ERCC4: variants seen among roughly 807,000 people sequenced by gnomAD.
The protein encoded by ERCC4 is ERCC excision repair 4, endonuclease catalytic subunit.
In ERCC4, 65 loss-of-function variants were observed where a neutral mutation model predicts 76.9. The ratio of observed to expected loss-of-function variants is 0.84; its 90% CI spans 0.69 to 1.04. The LOEUF is 1.04. ERCC4 is among the 50% of genes least tolerant of loss of function. ERCC4 has a pLI of 0.00. For synonymous variants in ERCC4, 463 were observed against 410.1 expected, an observed-to-expected ratio of 1.13 and a Z score of -1.56; for missense variants, 1,214 against 1,128.2, an observed-to-expected ratio of 1.08 and a Z score of -1.09.
chr16:13,932,095 C>G, intron 5 of ERCC4, 62 bp from the exon 6 acceptor site: 1 of 1,428,022 alleles, frequency 7.0e-7, no homozygotes, highest in Non-Finnish European at 9.9e-7. Flanking sequence ...ATGTGACCAT[C>G]AGAGACTGTT....
Position 13,948,229 on chromosome 16 carries a change from C to T in ERCC4, c.2633C>T (p.Ala878Val), listed in dbSNP as rs948636865. 3.7e-6 allele frequency: 6 copies of T among 1,614,038 alleles called. No individual in the cohort carries two copies. The Admixed American group carries it at 6.7e-5, about 18-fold the overall frequency. ...GTTAAGAACATCGCAGAATTAGCAG[C>T]CCTGTCACAAGACGAGCTCACGAGT... ...HHVKNIAELA[A>V]LSQDELTSIL... is the part of the protein sequence containing the mutation. Residue 878 changes from alanine (A) to valine (V), a missense_variant, in exon 11 of 11, where the codon GCC becomes GTC. Coordinates refer to ENST00000311895, the MANE Select transcript of ERCC4 (RefSeq NM_005236.3).
At position 13,926,694 on chromosome 16, in the gene ERCC4, T is replaced by C; in HGVS notation, c.522T>C (p.Gly174=). The C allele has an allele frequency of 6.2e-7, 1 of 1,613,990 alleles. No homozygotes were observed. The highest frequency in any genetic ancestry group is 8.5e-7 in the Non-Finnish European group (1 of 1,179,868). The change falls in exon 3 of 11, where the codon GGT becomes GGC. Residue 174 remains glycine (G), a synonymous_variant. Coordinates refer to ENST00000311895, the MANE Select transcript of ERCC4 (RefSeq NM_005236.3). ...FTDNAVAFDT[G]FCHVERVMRN... is the part of the protein sequence containing the mutation. ...ACAATGCTGTTGCCTTTGATACTGG[T>C]TTTTGTCATGTGGAAAGAGTGATGA... is the stretch of plus-strand genomic sequence containing the variant.
intron 6 of ERCC4, chr16:13,933,816 T>C (rs2032230216): frequency 5.9e-6 from 1 of 168,256 alleles, no homozygotes; most frequent in Non-Finnish European, 1.3e-5. Context: ...CTTTTATCCA[T>C]GTTCAGGATT....
intron 5 of ERCC4, chr16:13,931,809 C>G: frequency 4.4e-6 from 1 of 225,024 alleles, no homozygotes; most frequent in Non-Finnish European, 8.7e-6. Context: ...TAAATAACAG[C>G]AAATTCCTAT....
At position 13,935,372 on chromosome 16, in the gene ERCC4, CAAAG is replaced by C. The variant is rs1355589374; in HGVS notation, c.1447_1450del (p.Arg483ProfsTer9). On this transcript the variant is annotated frameshift_variant, in exon 8 of 11. Transcript: ENST00000311895. LOFTEE classifies it high-confidence loss of function. ...CCCAAAACAAAGAACGGGCTTCTACCAAAGAAAGAACCCTCAAAAAGAAAAAACG... is the reference window on the plus strand; with the variant it reads ...CCCAAAACAAAGAACGGGCTTCTACCAAAGAACCCTCAAAAAGAAAAAACG... 1 of 1,607,622 alleles carries C rather than the reference CAAAG, an allele frequency of 6.2e-7. No homozygotes were observed.
chr16:13,949,852 C>G lies in ERCC4; in HGVS notation c.*1505C>G. On this transcript the variant is annotated 3_prime_UTR_variant, in exon 11 of 11. Coordinates refer to ENST00000311895, the MANE Select transcript of ERCC4 (RefSeq NM_005236.3). ...GACATCAGTTCTGCTAGCCATATCA[C>G]ATATTTTAATGTTTCATCAACATCA... 1 of 232,536 alleles carries G rather than the reference C, an allele frequency of 4.3e-6. No homozygotes were observed. The highest frequency in any genetic ancestry group is 6.1e-5 in the East Asian group (1 of 16,396). 14.4% of individuals were successfully genotyped at this position (232,536 alleles called of 1,614,324 possible). A position where few individuals can be genotyped will look rare whatever the true frequency, so the allele number is the denominator to read the frequency against.
chr16:13,937,086 A>ATTTTTTTTT (rs71150154), intron 8 of ERCC4, among the ~76,000 whole-genome samples: 24,272 of 126,986 alleles, frequency 0.19, 2,483 homozygotes, highest in Non-Finnish European at 0.24. Context: ...TGCTCAACTA[A>ATTTTTTTTT]TTTTTTTTTT....
intron 10 of ERCC4, among the ~76,000 whole-genome samples, chr16:13,946,744 T>TTTTG (rs531878168): frequency 8.4e-4 from 127 of 151,194 alleles, no homozygotes; most frequent in East Asian, 2.9e-3. Flanking sequence ...ACATCTGTTT[T>TTTTG]TTTGTTTGTT....
Position 13,935,154 on chromosome 16 carries a change from C to G in ERCC4, c.1222C>G (p.Leu408Val). 2 of 1,612,350 alleles carry G rather than the reference C, an allele frequency of 1.2e-6. No homozygotes were observed. The highest frequency in any genetic ancestry group is 8.5e-7 in the Non-Finnish European group (1 of 1,178,402). ...TTGTTTTCTATTTTCAGGTCAAGTA[C>G]TGATTTGTGCAAGTGATGACCGAAC... ...SEALGGPGQV[L>V]ICASDDRTCS... The change falls in exon 8 of 11, where the codon CTG becomes GTG. Residue 408 changes from leucine (L) to valine (V), a missense_variant. Transcript: ENST00000311895.
Position 13,948,649 on chromosome 16 carries a change from T to C in ERCC4, c.*302T>C. The C allele has an allele frequency of 2.5e-6, 1 of 407,834 alleles. No homozygotes were observed. The highest frequency in any genetic ancestry group is 2.9e-5 in the South Asian group (1 of 34,992). 25.3% of individuals were successfully genotyped at this position (407,834 alleles called of 1,614,324 possible). On this transcript the variant is annotated 3_prime_UTR_variant, in exon 11 of 11. Transcript: ENST00000311895. ...ACAAGTGATTACAGAAGGTAGAAAC[T>C]TTACCTGATCCTAACAGATCTCATT...
chr16:13,949,288 C>A lies in ERCC4; in HGVS notation c.*941C>A, dbSNP rs376982978. 2.0e-4 allele frequency: 46 copies of A among 233,860 alleles called. 1 individual carries two copies. The South Asian group carries it at 7.8e-3, about 40-fold the overall frequency. 14.5% of individuals were successfully genotyped at this position (233,860 alleles called of 1,614,324 possible). A position where few individuals can be genotyped will look rare whatever the true frequency, so the allele number is the denominator to read the frequency against. ...TTTTTCAGACTTCCTCGTTTCTCAGCTCTTATATCCTAAGACACCAGCATC... is the reference window on the plus strand; with the variant it reads ...TTTTTCAGACTTCCTCGTTTCTCAGATCTTATATCCTAAGACACCAGCATC... On this transcript the variant is annotated 3_prime_UTR_variant, in exon 11 of 11. Coordinates refer to ENST00000311895, the MANE Select transcript of ERCC4 (RefSeq NM_005236.3).
In ERCC4 at chr16:13,949,351, G is replaced by A. The variant is rs1037560557; in HGVS notation, c.*1004G>A. 2 of 233,518 alleles carry A rather than the reference G, an allele frequency of 8.6e-6. No individual in the cohort carries two copies. Among genetic ancestry groups the A allele is most frequent in the African/African-American group, 2.2e-5 (1 of 45,298 alleles). The allele number at this position is 233,518 out of a possible 1,614,324, so 14.5% of individuals were successfully genotyped here. Reference sequence around the variant, plus strand: ...AATACAACCTAATTGGCAGTGAGCCGAGATCGCACCACTGCACCCCTGCCT... The same window carrying A: ...AATACAACCTAATTGGCAGTGAGCCAAGATCGCACCACTGCACCCCTGCCT... On this transcript the variant is annotated 3_prime_UTR_variant, in exon 11 of 11. Coordinates refer to ENST00000311895, the MANE Select transcript of ERCC4 (RefSeq NM_005236.3).
chr16:13,944,967 G>T (rs1327620928), intron 10 of ERCC4, 132 bp downstream of exon 10: 1 of 637,486 alleles, frequency 1.6e-6, no homozygotes, highest in Non-Finnish European at 2.9e-6. Context: ...GAGAGGATGT[G>T]TACTTCCCTA....
At chr16:13,920,909 A>G (rs1340009615) in intron 1 of ERCC4, among the ~76,000 whole-genome samples, 1 of 151,826 alleles carries the variant, frequency 6.6e-6, no homozygotes, top group Non-Finnish European at 1.5e-5. Context: ...GGTCCCCAGA[A>G]GGATGCAGGT....
intron 10 of ERCC4, among the ~76,000 whole-genome samples, chr16:13,946,979 C>G (rs1275354733): frequency 2.0e-5 from 3 of 152,136 alleles, no homozygotes; most frequent in African/African-American, 7.2e-5. Flanking sequence ...CCAGGATGGT[C>G]TCAAACTCCT....
At chr16:13,932,454 T>C (rs1240886024) in intron 6 of ERCC4, 169 bp downstream of exon 6, 5 of 659,118 alleles carry the variant, frequency 7.6e-6, no homozygotes, top group Non-Finnish European at 1.3e-5. Flanking sequence ...AAAGTATATA[T>C]GTAAAGTATA....
At position 13,928,131 on chromosome 16, in the gene ERCC4, C is replaced by G; in HGVS notation, c.688C>G (p.Leu230Val). Residue 230 changes from leucine to valine, a missense_variant, in exon 4 of 11, where the codon CTG becomes GTG. Physicochemically the swap from Leu to Val is conservative, Grantham distance 32. Transcript: ENST00000311895. ...CATGCTTGCTATACAGACTGCTATA[C>G]TGGACATTTTAAATGCATGTCTAAA... ...PTMLAIQTAI[L>V]DILNACLKEL... 11 of 1,612,504 alleles carry G rather than the reference C, an allele frequency of 6.8e-6. No homozygotes were observed. Among genetic ancestry groups the G allele is most frequent in the Non-Finnish European group, 9.3e-6 (11 of 1,178,632 alleles).
At chr16:13,943,456 C>G (rs562416001) in intron 9 of ERCC4, among the ~76,000 whole-genome samples, 166 of 152,290 alleles carry the variant, frequency 1.1e-3, no homozygotes, top group African/African-American at 3.9e-3. Context: ...ACTTCTAAAA[C>G]CATCAGATCT....
At chr16:13,944,194 T>A (rs190877923) in intron 9 of ERCC4, 1 of 157,538 alleles carries the variant, frequency 6.3e-6, no homozygotes, top group East Asian at 1.9e-4. Context: ...TTTCAAAATC[T>A]TGATCTTGAT....
Sources: gnomAD v4.1 joint callset for allele counts (sites outside exome capture counted in the v4.1 genomes callset) on GRCh38, gnomAD v4.1.1 for gene constraint, MANE v1.5 for transcripts, NCBI Gene and HGNC (gene_info 2026-07-23, HGNC 2026-07-21) for gene names.